Variants in SAP30BP observed in about 807,000 individuals in gnomAD.
SAP30BP encodes the protein SAP30 binding protein.
A neutral mutation model predicts 46.3 loss-of-function variants in SAP30BP; 31 were observed. The ratio of observed to expected loss-of-function variants is 0.67; its 90% CI spans 0.50 to 0.90. The LOEUF (loss-of-function observed/expected upper bound fraction) is 0.90, where lower values mean the gene tolerates loss of function less well. SAP30BP is among the 40% of genes least tolerant of loss of function. The pLI, the probability that SAP30BP is intolerant of heterozygous loss-of-function variation, is 0.00. For missense variants in SAP30BP, 312 were observed against 391.0 expected (o/e 0.80, Z 1.70); for synonymous variants, 169 against 144.2 (o/e 1.17, Z -1.23).
chr17:75,680,942 G>A (rs774249849), intron 3 of SAP30BP, among the ~76,000 whole-genome samples: 2 of 152,162 alleles, frequency 1.3e-5, no homozygotes, highest in African/African-American at 2.4e-5. Flanking sequence ...GCTGAGATGG[G>A]AGGATCATTT....
In SAP30BP at chr17:75,704,778, G is replaced by A. The variant is rs2060469481; in HGVS notation, c.624G>A (p.Met208Ile). The change falls in exon 9 of 11, where the codon ATG becomes ATA. Residue 208 changes from methionine (M) to isoleucine (I), a missense_variant. Met to Ile is a conservative substitution (Grantham distance 10). Coordinates refer to ENST00000584667, the MANE Select transcript of SAP30BP (RefSeq NM_013260.8). ...EALAKAQKIE[M>I]DKLEKAKKER... Reference sequence around the variant, plus strand: ...TAGCCAAGGCCCAGAAAATTGAGATGGACAAATTGGAAAAGGCCAAAAAGG... The same window carrying A: ...TAGCCAAGGCCCAGAAAATTGAGATAGACAAATTGGAAAAGGCCAAAAAGG... 1.2e-6 allele frequency: 2 copies of A among 1,613,748 alleles called. No homozygotes were observed. Among genetic ancestry groups the A allele is most frequent in the Non-Finnish European group, 1.7e-6 (2 of 1,179,852 alleles).
At chr17:75,702,073 A>G (rs1220829295) in intron 5 of SAP30BP, among the ~76,000 whole-genome samples, 1 of 152,156 alleles carries the variant, frequency 6.6e-6, no homozygotes, top group African/African-American at 2.4e-5. Context: ...ACCAGGCTGG[A>G]GTGCAGTGGC....
intron 4 of SAP30BP, 102 bp from the exon 5 acceptor site, chr17:75,699,679 GTT>G: frequency 1.3e-6 from 1 of 762,114 alleles, no homozygotes; most frequent in Non-Finnish European, 2.3e-6. Context: ...TTTTCATAGT[GTT>G]TATCCCTACC....
intron 3 of SAP30BP, among the ~76,000 whole-genome samples, chr17:75,676,470 AT>A (rs1052020909): frequency 2.0e-5 from 3 of 152,266 alleles, no homozygotes; most frequent in African/African-American, 7.2e-5. Context: ...GTTTCTAATA[AT>A]TTTTGTTTGA....
chr17:75,702,026 T>TTTTTG (rs1424014031), intron 5 of SAP30BP, among the ~76,000 whole-genome samples: 1 of 152,124 alleles, frequency 6.6e-6, no homozygotes, highest in Non-Finnish European at 1.5e-5. Flanking sequence ...ATAGATTAAT[T>TTTTTG]TTTTGTTTTG....
intron 4 of SAP30BP, among the ~76,000 whole-genome samples, chr17:75,696,563 A>G (rs984262682): frequency 6.6e-6 from 1 of 151,232 alleles, no homozygotes; most frequent in Non-Finnish European, 1.5e-5. Flanking sequence ...AAAAAAAAAG[A>G]AAAGAAACAG....
chr17:75,681,160 G>A (rs1375158724), intron 3 of SAP30BP, among the ~76,000 whole-genome samples: 1 of 152,236 alleles, frequency 6.6e-6, no homozygotes. Flanking sequence ...AGTGTGTGTG[G>A]TATGTGACAT....
chr17:75,706,473 C>T lies in SAP30BP; in HGVS notation c.879C>T (p.Thr293=), dbSNP rs548124761. The change falls in exon 11 of 11, where the codon ACC becomes ACT. Residue 293 remains threonine, a synonymous_variant. Coordinates refer to ENST00000584667, the MANE Select transcript of SAP30BP (RefSeq NM_013260.8). This position sits in a 1 kb window ranked among gnomAD's most constrained non-coding sequence, Gnocchi z 4.6. ...TVTTSASGSK[T]TVISAVGTIV... ...CCACCAGCGCCAGCGGCTCCAAGAC[C>T]ACCGTCATCTCTGCTGTGGGCACCA... The T allele has an allele frequency of 5.6e-6, 9 of 1,614,170 alleles. No individual in the cohort carries two copies. The South Asian group carries it at 9.9e-5, about 18-fold the overall frequency.
Position 75,703,847 on chromosome 17 carries a change from T to C in SAP30BP, c.589T>C (p.Tyr197His). 6.2e-7 allele frequency: 1 copy of C among 1,613,000 alleles called. No individual in the cohort carries two copies. Among genetic ancestry groups the C allele is most frequent in the Non-Finnish European group, 8.5e-7 (1 of 1,178,906 alleles). The change falls in exon 8 of 11, where the codon TAT (tyrosine) becomes CAT (histidine). Residue 197 changes from tyrosine to histidine, a missense_variant. This residue lies in a region of SAP30BP where 296 missense variants were observed against 346.6 expected (regional missense o/e 0.85). Transcript: ENST00000584667. ...DPHGWSEDSY[Y>H]EALAKAQKIE... is the part of the protein sequence containing the mutation. ...CCATGGCTGGTCTGAGGACTCCTAC[T>C]ATGAGGCATTAGGTAGCCTTTCGTC...
chr17:75,693,618 G>A, intron 4 of SAP30BP, 136 bp downstream of exon 4: 1 of 690,984 alleles, frequency 1.4e-6, no homozygotes, highest in Non-Finnish European at 2.4e-6. Context: ...TCCCTCTCAG[G>A]GCTTTGGCAT....
chr17:75,677,586 C>T (rs919748104), intron 3 of SAP30BP, among the ~76,000 whole-genome samples: 3 of 150,924 alleles, frequency 2.0e-5, no homozygotes, highest in Admixed American at 6.6e-5. Context: ...TGTGAACCAC[C>T]GTGCCTGACT....
At chr17:75,695,664 C>G (rs1383682630) in intron 4 of SAP30BP, among the ~76,000 whole-genome samples, 1 of 152,198 alleles carries the variant, frequency 6.6e-6, no homozygotes, top group Non-Finnish European at 1.5e-5. Flanking sequence ...GTCAGCCCCT[C>G]TACCTAAGCT....
chr17:75,680,240 C>T (rs1391099764), intron 3 of SAP30BP, among the ~76,000 whole-genome samples: 4 of 152,074 alleles, frequency 2.6e-5, no homozygotes, highest in Non-Finnish European at 4.4e-5. Context: ...AACAAAATTC[C>T]GTCTTCTGGG....
In SAP30BP at chr17:75,668,530, T is replaced by G; in HGVS notation, c.121T>G (p.Leu41Val). The part of the protein sequence containing the change: ...VGSAAEEKGG[L>V]VSDAYGEDDF... The stretch of plus-strand genomic sequence containing the variant: ...TAACCTTTCAGAGGAGAAAGGCGGA[T>G]TGGTATCTGATGCCTATGGGGAGGA... The change falls in exon 2 of 11, where the codon TTG becomes GTG. Residue 41 changes from leucine (L) to valine (V), a missense_variant. Physicochemically the swap from Leu to Val is conservative, Grantham distance 32 (BLOSUM62 1). Coordinates refer to ENST00000584667, the MANE Select transcript of SAP30BP (RefSeq NM_013260.8). The G allele has an allele frequency of 6.4e-7, 1 of 1,569,946 alleles. No homozygotes were observed.
chr17:75,688,500 A>G (rs1331717087), intron 3 of SAP30BP, among the ~76,000 whole-genome samples: 1 of 149,812 alleles, frequency 6.7e-6, no homozygotes, highest in Non-Finnish European at 1.5e-5. Context: ...TGTGCCCGCT[A>G]CTCCCGAAGC....
At chr17:75,668,466 G>GTT (rs764914738) in intron 1 of SAP30BP, 50 bp from the exon 2 acceptor site, 122 of 1,079,950 alleles carry the variant, frequency 1.1e-4, no homozygotes, top group South Asian at 1.6e-4. Flanking sequence ...TGTAACTCTT[G>GTT]TTTTTTTTTT....
At chr17:75,691,580 TC>T in intron 3 of SAP30BP, 1 of 434,518 alleles carries the variant, frequency 2.3e-6, no homozygotes, top group South Asian at 1.6e-5. Context: ...GTGACTAACT[TC>T]CTGTGGCTTT....
intron 3 of SAP30BP, among the ~76,000 whole-genome samples, chr17:75,682,772 G>A (rs56027397): frequency 3.5e-5 from 5 of 144,158 alleles, no homozygotes; most frequent in Non-Finnish European, 5.9e-5. Flanking sequence ...GACCATCCTG[G>A]CCAACATAGT....
intron 3 of SAP30BP, among the ~76,000 whole-genome samples, chr17:75,683,119 A>G (rs2060108864): frequency 6.8e-6 from 1 of 147,134 alleles, no homozygotes; most frequent in Admixed American, 6.8e-5. Context: ...ATCTCAGCTC[A>G]CTGCAACCTC....
Sources: allele counts gnomAD v4.1 joint callset (sites outside exome capture counted in the v4.1 genomes callset), GRCh38; gene constraint gnomAD v4.1.1; regional missense constraint gnomAD v4.1.1; non-coding constraint Gnocchi (gnomAD v3.1); transcripts MANE v1.5; gene names NCBI Gene and HGNC (gene_info 2026-07-23, HGNC 2026-07-21).